The following LHFPL3 variants were observed in gnomAD, a reference collection of about 807,000 sequenced individuals.
LHFPL3 encodes LHFPL tetraspan subfamily member 3 protein.
In LHFPL3, 5 loss-of-function variants were observed where a neutral mutation model predicts 19.3. That is an observed-to-expected ratio of 0.26 (90% CI 0.14 to 0.54). LHFPL3 has a LOEUF of 0.54. Ranked by LOEUF, LHFPL3 falls within the 20% of genes least tolerant of loss-of-function variation. The pLI is 0.94. For synonymous variants in LHFPL3, 133 were observed against 126.2 expected (o/e 1.05, Z -0.36); for missense variants, 249 against 307.4 (o/e 0.81, Z 1.42).
chr7:104,697,700 C>A (rs1793023987), intron 1 of LHFPL3, among the ~76,000 whole-genome samples: 1 of 152,176 alleles, frequency 6.6e-6, no homozygotes. Flanking sequence ...TTGAGCTTTT[C>A]ATCTAACTTG....
intron 1 of LHFPL3, among the ~76,000 whole-genome samples, chr7:104,592,468 G>A (rs1023009091): frequency 9.2e-6 from 1 of 109,130 alleles, no homozygotes; most frequent in Non-Finnish European, 2.0e-5. Context: ...TCCTCTGGAA[G>A]CTTCTTCTCA....
chr7:104,839,584 A>G (rs1411812907), intron 2 of LHFPL3, among the ~76,000 whole-genome samples: 1 of 152,102 alleles, frequency 6.6e-6, no homozygotes, highest in Non-Finnish European at 1.5e-5. Context: ...CACAAGAGTC[A>G]TTTGAATCCA....
At chr7:104,680,076 T>C (rs904281845) in intron 1 of LHFPL3, among the ~76,000 whole-genome samples, 4 of 152,172 alleles carry the variant, frequency 2.6e-5, no homozygotes, top group Non-Finnish European at 5.9e-5. Flanking sequence ...AATCAGCTTC[T>C]CAAACCTAAC....
At chr7:104,669,683 G>C in intron 1 of LHFPL3, 11 of 1,249,618 alleles carry the variant, frequency 8.8e-6, no homozygotes, top group Non-Finnish European at 1.1e-5. Flanking sequence ...ACCATCTCCT[G>C]AAGACCTTTC....
chr7:104,878,595 C>T (rs952814313), intron 2 of LHFPL3, among the ~76,000 whole-genome samples: 1 of 152,080 alleles, frequency 6.6e-6, no homozygotes, highest in Non-Finnish European at 1.5e-5. Flanking sequence ...CCATGAGATA[C>T]AACAATTTCA....
intron 2 of LHFPL3, among the ~76,000 whole-genome samples, chr7:104,781,362 T>C (rs953499633): frequency 3.3e-5 from 5 of 152,094 alleles, no homozygotes; most frequent in African/African-American, 1.2e-4. Context: ...TATCTTCCTC[T>C]ATCTCATCAT....
intron 1 of LHFPL3, among the ~76,000 whole-genome samples, chr7:104,661,379 A>G (rs1283455935): frequency 6.6e-6 from 1 of 152,160 alleles, no homozygotes; most frequent in African/African-American, 2.4e-5. Flanking sequence ...AAATAGCTGA[A>G]CTGACTCATT....
At chr7:104,477,640 TA>T (rs1190892554) in intron 1 of LHFPL3, among the ~76,000 whole-genome samples, 1 of 152,002 alleles carries the variant, frequency 6.6e-6, no homozygotes, top group Non-Finnish European at 1.5e-5. Context: ...AAAAAATAAC[TA>T]TTGGGTACTA....
intron 1 of LHFPL3, among the ~76,000 whole-genome samples, chr7:104,439,799 ACTT>A (rs1792181226): frequency 6.6e-6 from 1 of 152,160 alleles, no homozygotes; most frequent in Non-Finnish European, 1.5e-5. Context: ...AAGGATGTCT[ACTT>A]TTACCATTTT....
rs1584474261 is a variant in LHFPL3, at chr7:104,674,318, C to CATTTGAT, written c.446-62356_446-62350dup. ...AAAAACATTCTACAATATATTTGAC[C>CATTTGAT]ATTTGATTAAATTTGAAGTGGGAAA... is the stretch of plus-strand genomic sequence containing the variant. On this transcript the variant is annotated intron_variant, in intron 1 of 2. Transcript: ENST00000424859. 2.6e-5 allele frequency among the ~76,000 whole-genome samples: 4 copies of CATTTGAT among 151,442 alleles called. No homozygotes were observed. In the East Asian group the frequency reaches 7.7e-4, roughly 29 times the overall value.
intron 2 of LHFPL3, among the ~76,000 whole-genome samples, chr7:104,874,753 A>G (rs1791905325): frequency 6.6e-6 from 1 of 152,064 alleles, no homozygotes; most frequent in Admixed American, 6.6e-5. Context: ...TTGGGTTTCA[A>G]GAGGCCCTCA....
At chr7:104,335,688 TAATAA>T (rs1461561852) in intron 1 of LHFPL3, among the ~76,000 whole-genome samples, 2 of 152,108 alleles carry the variant, frequency 1.3e-5, no homozygotes, top group Admixed American at 6.6e-5. Context: ...GTAAATAATA[TAATAA>T]AAGTCTAACC....
chr7:104,721,539 T>TA (rs34139277), intron 1 of LHFPL3, among the ~76,000 whole-genome samples: 29,026 of 148,002 alleles, frequency 0.2, 2,850 homozygotes, highest in African/African-American at 0.24. Context: ...AAAGTATAAT[T>TA]AAAAAAAAAA....
At chr7:104,431,813 C>A (rs1373152045) in intron 1 of LHFPL3, among the ~76,000 whole-genome samples, 1 of 152,128 alleles carries the variant, frequency 6.6e-6, no homozygotes, top group East Asian at 1.9e-4. Context: ...CTTTGGAGAT[C>A]ATAAACTCTT....
intron 1 of LHFPL3, among the ~76,000 whole-genome samples, chr7:104,529,103 C>T (rs147083056): frequency 2.2e-4 from 33 of 152,100 alleles, no homozygotes; most frequent in Admixed American, 7.2e-4. Flanking sequence ...GCTTCCTTCC[C>T]GAGAGGCCCA....
intron 1 of LHFPL3, among the ~76,000 whole-genome samples, chr7:104,573,617 C>T (rs2115996570): frequency 6.6e-6 from 1 of 152,304 alleles, no homozygotes; most frequent in Non-Finnish European, 1.5e-5. Context: ...GCTACATTCA[C>T]ACCTACATCA....
chr7:104,626,177 T>C (rs929126883), intron 1 of LHFPL3, among the ~76,000 whole-genome samples: 4 of 152,192 alleles, frequency 2.6e-5, no homozygotes, highest in African/African-American at 9.7e-5. Context: ...ATTTTAGACA[T>C]GAGTGCCTGC....
At chr7:104,609,652 A>G (rs1791175273) in intron 1 of LHFPL3, among the ~76,000 whole-genome samples, 2 of 152,262 alleles carry the variant, frequency 1.3e-5, no homozygotes, top group African/African-American at 2.4e-5. Context: ...ACAGTTAAAC[A>G]TGCAGTTCCT....
At chr7:104,743,154 G>A (rs190647701) in intron 2 of LHFPL3, among the ~76,000 whole-genome samples, 15 of 152,104 alleles carry the variant, frequency 9.9e-5, no homozygotes, top group Non-Finnish European at 2.1e-4. Flanking sequence ...AAGTCAAAGG[G>A]GAAGGGGCTC....
Sources: allele counts gnomAD v4.1 joint callset (sites outside exome capture counted in the v4.1 genomes callset), GRCh38; gene constraint gnomAD v4.1.1; transcripts MANE v1.5; gene names NCBI Gene and HGNC (gene_info 2026-07-23, HGNC 2026-07-21).